MAST1: variants seen among roughly 807,000 people sequenced by gnomAD.
The protein encoded by MAST1 is microtubule-associated serine/threonine-protein kinase 1.
MAST1 carries 40 observed loss-of-function variants against 124.6 expected under a neutral mutation model. The ratio of observed to expected loss-of-function variants is 0.32; its 90% CI spans 0.25 to 0.42. The LOEUF is 0.42. Ranked by LOEUF, MAST1 falls within the 10% of genes least tolerant of loss-of-function variation. MAST1 has a pLI of 1.00. For synonymous variants in MAST1, 938 were observed against 939.4 expected (o/e 1.00, Z 0.03); for missense variants, 1,558 against 2,181.9 (o/e 0.71, Z 5.70).
At chr19:12,867,691 AG>A (rs578255415) in intron 19 of MAST1, 38 bp from the exon 20 acceptor site, 5 of 1,540,114 alleles carry the variant, frequency 3.2e-6, no homozygotes, top group East Asian at 2.4e-5. Context: ...GCGGGGTCGA[AG>A]GGGGCGTGTC....
intron 10 of MAST1, among the ~76,000 whole-genome samples, chr19:12,852,948 C>T (rs1457063135): frequency 2.6e-5 from 4 of 151,668 alleles, no homozygotes; most frequent in Admixed American, 6.6e-5. Context: ...CTTTTTTAAC[C>T]ATTTTATTTT....
intron 12 of MAST1, 104 bp downstream of exon 12, chr19:12,858,843 T>C (rs751104230): frequency 9.5e-7 from 1 of 1,052,206 alleles, no homozygotes; most frequent in Non-Finnish European, 1.4e-6. Flanking sequence ...TTAGTCGGCC[T>C]GTATGTTTAT....
rs34988246 is a variant in MAST1 at position 12,868,103 on chromosome 19, A to ATTTTTTTTTTTTTTTTTTTT, written c.2566+130_2566+149dup. 409 of 322,230 alleles carry ATTTTTTTTTTTTTTTTTTTT rather than the reference A, an allele frequency of 1.3e-3. 48 individuals carry two copies. Among genetic ancestry groups the ATTTTTTTTTTTTTTTTTTTT allele is most frequent in the African/African-American group, 5.3e-3 (126 of 23,798 alleles). 20.0% of individuals were successfully genotyped at this position (322,230 alleles called of 1,614,324 possible). A position where few individuals can be genotyped will look rare whatever the true frequency, so the allele number is the denominator to read the frequency against. On this transcript the variant is annotated intron_variant, in intron 20 of 25. Transcript: ENST00000251472. The stretch of plus-strand genomic sequence containing the variant: ...GGTCCTATTCACATTGCAATTTGGG[A>ATTTTTTTTTTTTTTTTTTTT]TTTTTTTTTTTTTTTTTTTTTTTGA...
Position 12,871,272 on chromosome 19 carries a change from G to A in MAST1, c.3263+100G>A. The A allele has an allele frequency of 2.6e-6, 4 of 1,527,944 alleles. No homozygotes were observed. The South Asian group carries it at 4.8e-5, about 18-fold the overall frequency. 94.6% of individuals were successfully genotyped at this position (1,527,944 alleles called of 1,614,324 possible). ...GAGAAGGGAAGAGCACGGGAAAGGT[G>A]GCGGGAACAAATGACCAACAAGCAA... On this transcript the variant is annotated intron_variant, in intron 24 of 25. Coordinates refer to ENST00000251472, the MANE Select transcript of MAST1 (RefSeq NM_014975.3).
At position 12,841,044 on chromosome 19, in the gene MAST1, T is replaced by C. The variant is rs1969820378; in HGVS notation, c.226T>C (p.Phe76Leu). 2 of 1,386,014 alleles carry C rather than the reference T, an allele frequency of 1.4e-6. No individual in the cohort carries two copies. The highest frequency in any genetic ancestry group is 2.1e-6 in the Non-Finnish European group (2 of 973,068). 85.9% of individuals were successfully genotyped at this position (1,386,014 alleles called of 1,614,324 possible). A position where few individuals can be genotyped will look rare whatever the true frequency, so the allele number is the denominator to read the frequency against. The change falls in exon 3 of 26, where the codon TTC (phenylalanine) becomes CTC (leucine). Residue 76 changes from phenylalanine to leucine, a missense_variant. Physicochemically the swap from Phe to Leu is conservative, Grantham distance 22. Around this residue, in one of 10 missense-constraint regions of MAST1, gnomAD observed 57 missense variants for 35.3 expected, o/e 1.62. Transcript: ENST00000251472. The surrounding 1 kb of genome is among the most constrained non-coding windows in gnomAD (Gnocchi z 4.3). ...CTTCTCCCCCAACACCCCCGCCCAC[T>C]TCTCGTTTGCCTCCTCCCGAAGGTG... ...RNFSPNTPAH[F>L]SFASSRRADG...
At chr19:12,871,223 G>C (rs1970230221) in intron 24 of MAST1, 51 bp downstream of exon 24, 1 of 1,610,382 alleles carries the variant, frequency 6.2e-7, no homozygotes, top group Admixed American at 1.7e-5. Context: ...TGGAACTTAG[G>C]CGGGAGGGGC....
intron 8 of MAST1, 26 bp from the exon 9 acceptor site, chr19:12,852,089 G>A (rs1397443674): frequency 6.8e-6 from 11 of 1,613,630 alleles, no homozygotes; most frequent in South Asian, 1.1e-5. Flanking sequence ...GGAGCCTGTG[G>A]TGAGCCCACT....
intron 10 of MAST1, 145 bp downstream of exon 10, chr19:12,852,540 A>G (rs1969975403): frequency 1.3e-6 from 1 of 778,898 alleles, no homozygotes; most frequent in East Asian, 2.7e-5. Context: ...AAATGGGATT[A>G]ATAATAGCTC....
chr19:12,874,039 C>T lies in MAST1; in HGVS notation c.3882C>T (p.Phe1294=). 6.2e-7 allele frequency: 1 copy of T among 1,605,380 alleles called. No homozygotes were observed. The highest frequency in any genetic ancestry group is 1.1e-5 in the South Asian group (1 of 90,070). ...GCCTCGAGGTGGGCCACCCGGATTT[C>T]CGCAAGGACTTCCATGGCGAGCTGG... ...KHSLEVGHPD[F]RKDFHGELAL... is the part of the protein sequence containing the mutation. Residue 1294 remains phenylalanine (F), a synonymous_variant, in exon 26 of 26, where the codon TTC becomes TTT. Coordinates refer to ENST00000251472, the MANE Select transcript of MAST1 (RefSeq NM_014975.3). This position sits in a 1 kb window ranked among gnomAD's most constrained non-coding sequence, Gnocchi z 6.6.
At chr19:12,855,801 A>G (rs1327779727) in intron 10 of MAST1, among the ~76,000 whole-genome samples, 1 of 152,206 alleles carries the variant, frequency 6.6e-6, no homozygotes, top group Non-Finnish European at 1.5e-5. Context: ...GGATTCTGTT[A>G]TTCCTTTTAA....
chr19:12,859,747 T>C (rs893134493), intron 12 of MAST1, among the ~76,000 whole-genome samples: 1 of 150,754 alleles, frequency 6.6e-6, no homozygotes, highest in African/African-American at 2.4e-5. Flanking sequence ...TAAGCCGAGA[T>C]CGTGCTGCTG....
At position 12,847,773 on chromosome 19, in the gene MAST1, C is replaced by T. The variant is rs757032785; in HGVS notation, c.565-75C>T. 5.7e-6 allele frequency: 9 copies of T among 1,580,256 alleles called. No individual in the cohort carries two copies. The highest frequency in any genetic ancestry group is 2.7e-5 in the African/African-American group (2 of 74,042). ...ATCCCCGCGCGCCCCCTGGCGGCCT[C>T]GGTGCGCAGCGCAGGCTCCTGGCGG... On this transcript the variant is annotated intron_variant, in intron 6 of 25. Coordinates refer to ENST00000251472, the MANE Select transcript of MAST1 (RefSeq NM_014975.3). This position sits in a 1 kb window ranked among gnomAD's most constrained non-coding sequence, Gnocchi z 5.5.
In MAST1 at chr19:12,847,952, G is replaced by A; in HGVS notation, c.669G>A (p.Gln223=). ...ADGVLSFIHH[Q]IIELARDCLT... ...GCGTGCTCAGCTTCATCCACCACCA[G>A]ATCATCGAGCTGGCCCGGGACTGCC... is the stretch of plus-strand genomic sequence containing the variant. Residue 223 remains glutamine (Q), a synonymous_variant, in exon 7 of 26, where the codon CAG becomes CAA. Coordinates refer to ENST00000251472, the MANE Select transcript of MAST1 (RefSeq NM_014975.3). The surrounding 1 kb of genome is among the most constrained non-coding windows in gnomAD (Gnocchi z 5.5). The A allele has an allele frequency of 6.2e-7, 1 of 1,614,122 alleles. No individual in the cohort carries two copies. Among genetic ancestry groups the A allele is most frequent in the Non-Finnish European group, 8.5e-7 (1 of 1,179,994 alleles).
At chr19:12,858,265 C>G (rs1970040241) in intron 10 of MAST1, 97 bp from the exon 11 acceptor site, 17 of 1,084,264 alleles carry the variant, frequency 1.6e-5, no homozygotes, top group Non-Finnish European at 1.9e-5. Context: ...AGGACTCTTT[C>G]ATTCTGTGCC....
At chr19:12,856,264 C>T (rs1970016328) in intron 10 of MAST1, among the ~76,000 whole-genome samples, 1 of 151,204 alleles carries the variant, frequency 6.6e-6, no homozygotes, top group Non-Finnish European at 1.5e-5. Context: ...CCCCATTGCC[C>T]TATAGCCCTG....
intron 12 of MAST1, among the ~76,000 whole-genome samples, chr19:12,861,429 G>T (rs1316359852): frequency 6.6e-6 from 1 of 152,150 alleles, no homozygotes; most frequent in East Asian, 1.9e-4. Flanking sequence ...GGCAGGCAGG[G>T]AGCTTCTCAG....
chr19:12,853,684 A>G (rs940661974), intron 10 of MAST1, among the ~76,000 whole-genome samples: 8 of 152,174 alleles, frequency 5.3e-5, no homozygotes, highest in South Asian at 2.1e-4. Context: ...CCTGGCCAAC[A>G]TGGTGAAACC....
chr19:12,846,969 A>T (rs1354389549), intron 4 of MAST1, among the ~76,000 whole-genome samples: 1 of 151,450 alleles, frequency 6.6e-6, no homozygotes, highest in East Asian at 1.9e-4. Context: ...CCAGGGCAGG[A>T]TGAGGCAGGA....
At chr19:12,840,101 A>G (rs1969807300) in intron 1 of MAST1, among the ~76,000 whole-genome samples, 1 of 152,194 alleles carries the variant, frequency 6.6e-6, no homozygotes, top group Non-Finnish European at 1.5e-5. Flanking sequence ...CATACAGTGG[A>G]TACCACACGT....
Sources: gnomAD v4.1 joint callset for allele counts (sites outside exome capture counted in the v4.1 genomes callset) on GRCh38, gnomAD v4.1.1 for gene constraint, gnomAD v4.1.1 regional missense constraint, Gnocchi (gnomAD v3.1) non-coding constraint, MANE v1.5 for transcripts, NCBI Gene and HGNC (gene_info 2026-07-23, HGNC 2026-07-21) for gene names.